CLDN10: variants seen among roughly 807,000 people sequenced by gnomAD.
The protein encoded by CLDN10 is claudin 10.
CLDN10 carries 15 observed loss-of-function variants against 22.9 expected under a neutral mutation model. That is an observed-to-expected ratio of 0.65 (90% CI 0.44 to 1.01). CLDN10 has a LOEUF of 1.01. CLDN10 is among the 50% of genes least tolerant of loss of function. CLDN10 has a pLI of 0.00. For missense variants in CLDN10, 247 were observed against 287.8 expected, an observed-to-expected ratio of 0.86 and a Z score of 1.03; for synonymous variants, 114 against 111.4, an observed-to-expected ratio of 1.02 and a Z score of -0.15.
intron 1 of CLDN10, among the ~76,000 whole-genome samples, chr13:95,466,689 T>G (rs942236690): frequency 2.6e-5 from 4 of 152,106 alleles, no homozygotes; most frequent in African/African-American, 9.7e-5. Flanking sequence ...TTGTCATTGA[T>G]GCCTTAAAAA....
At chr13:95,527,898 TG>T (rs1456109811) in intron 1 of CLDN10, among the ~76,000 whole-genome samples, 2 of 152,222 alleles carry the variant, frequency 1.3e-5, no homozygotes, top group East Asian at 3.8e-4. Context: ...AAAAGTTTTT[TG>T]CTATTCGACT....
chr13:95,453,860 A>G (rs1371264425), intron 1 of CLDN10, among the ~76,000 whole-genome samples: 2 of 152,070 alleles, frequency 1.3e-5, no homozygotes, highest in Non-Finnish European at 2.9e-5. Flanking sequence ...TACACCTGTA[A>G]TCCCAGCACT....
intron 1 of CLDN10, among the ~76,000 whole-genome samples, chr13:95,474,469 G>A (rs950374165): frequency 2.6e-5 from 4 of 151,956 alleles, no homozygotes; most frequent in South Asian, 2.1e-4. Context: ...TGGCCCAGGG[G>A]TTGGGGACCC....
At chr13:95,460,046 C>A (rs1349411332) in intron 1 of CLDN10, among the ~76,000 whole-genome samples, 1 of 152,188 alleles carries the variant, frequency 6.6e-6, no homozygotes, top group Non-Finnish European at 1.5e-5. Flanking sequence ...AGGGCAGGGG[C>A]AAAGTGCTTC....
intron 1 of CLDN10, among the ~76,000 whole-genome samples, chr13:95,536,796 CT>C (rs990354688): frequency 9.7e-4 from 20 of 20,644 alleles, no homozygotes; most frequent in African/African-American, 1.8e-3. Context: ...AACTGCATGC[CT>C]TTTTAAAAAA....
intron 3 of CLDN10, among the ~76,000 whole-genome samples, chr13:95,565,228 T>C (rs1448698464): frequency 6.6e-6 from 1 of 152,232 alleles, no homozygotes; most frequent in African/African-American, 2.4e-5. Context: ...ATTCCCACCA[T>C]TGTTTTGTTA....
At chr13:95,553,024 C>G (rs1240443931) in intron 1 of CLDN10, 51 bp downstream of exon 1, 2 of 1,598,194 alleles carry the variant, frequency 1.3e-6, no homozygotes, top group Non-Finnish European at 1.7e-6. Context: ...TGATGGCCAG[C>G]CCGCTAGGCG....
At chr13:95,490,640 T>A (rs1201212200) in intron 1 of CLDN10, among the ~76,000 whole-genome samples, 1 of 152,208 alleles carries the variant, frequency 6.6e-6, no homozygotes, top group Non-Finnish European at 1.5e-5. Context: ...GTGCTTGATA[T>A]AATTTCAATT....
intron 3 of CLDN10, among the ~76,000 whole-genome samples, chr13:95,568,863 G>A (rs1298272222): frequency 6.6e-6 from 1 of 152,136 alleles, no homozygotes; most frequent in Non-Finnish European, 1.5e-5. Context: ...GAGGCAGCAT[G>A]GCACACTGTT....
intron 1 of CLDN10, among the ~76,000 whole-genome samples, chr13:95,464,088 T>C (rs1299608564): frequency 6.7e-6 from 1 of 150,280 alleles, no homozygotes; most frequent in Non-Finnish European, 1.5e-5. Flanking sequence ...AGACCCATGA[T>C]TTTTTTTAAA....
At chr13:95,470,433 A>G (rs751805386) in intron 1 of CLDN10, among the ~76,000 whole-genome samples, 57 of 152,118 alleles carry the variant, frequency 3.7e-4, no homozygotes, top group Non-Finnish European at 7.9e-4. Flanking sequence ...CCTGTATTCT[A>G]TAATTTGTGT....
intron 1 of CLDN10, among the ~76,000 whole-genome samples, chr13:95,459,740 G>T (rs2042516949): frequency 6.6e-6 from 1 of 152,184 alleles, no homozygotes; most frequent in Non-Finnish European, 1.5e-5. Flanking sequence ...CATTGTCTTG[G>T]TGACTAACAT....
intron 1 of CLDN10, among the ~76,000 whole-genome samples, chr13:95,495,391 C>A (rs2042917939): frequency 6.6e-6 from 1 of 151,380 alleles, no homozygotes; most frequent in Non-Finnish European, 1.5e-5. Flanking sequence ...TAAACAAGAT[C>A]TTGTTCCCTT....
chr13:95,471,453 A>ATATATATATATATT (rs776857009), intron 1 of CLDN10, among the ~76,000 whole-genome samples: 19 of 106,384 alleles, frequency 1.8e-4, no homozygotes, highest in South Asian at 6.5e-4. Context: ...ATATATATAT[A>ATATATATATATATT]TTTTTTTTTT....
chr13:95,578,507 T>TTAAG lies in CLDN10; in HGVS notation c.*496_*499dup. The TTAAG allele has an allele frequency of 6.6e-6, 1 of 152,402 alleles. No homozygotes were observed. Among genetic ancestry groups the TTAAG allele is most frequent in the South Asian group, 2.1e-4 (1 of 4,832 alleles). 9.4% of individuals were successfully genotyped at this position (152,402 alleles called of 1,614,324 possible). On this transcript the variant is annotated 3_prime_UTR_variant, in exon 5 of 5. Coordinates refer to ENST00000299339, the MANE Select transcript of CLDN10 (RefSeq NM_006984.5). ...ACAGGCAAATTCTAGTTTGTTTTTTTTAAGTATTCTACAACATTTATTTAA... is the reference window on the plus strand; with the variant it reads ...ACAGGCAAATTCTAGTTTGTTTTTTTTAAGTAAGTATTCTACAACATTTATTTAA...
chr13:95,434,137 T>C lies in CLDN10; in HGVS notation c.214+90T>C. The C allele has an allele frequency of 2.6e-6, 3 of 1,162,946 alleles. No homozygotes were observed. The South Asian group carries it at 4.1e-5, about 16-fold the overall frequency. 72.0% of individuals were successfully genotyped at this position (1,162,946 alleles called of 1,614,324 possible). A position where few individuals can be genotyped will look rare whatever the true frequency, so the allele number is the denominator to read the frequency against. ...TAGCTGTCTATGGCTGGCTGTTAAC[T>C]CTCTGAAGACTGAGTGCTTAATCAA... On this transcript the variant is annotated intron_variant, in intron 1 of 4. Coordinates refer to the CLDN10 transcript ENST00000376873.
intron 3 of CLDN10, among the ~76,000 whole-genome samples, chr13:95,568,013 G>A (rs2043807401): frequency 6.6e-6 from 1 of 152,212 alleles, no homozygotes; most frequent in Admixed American, 6.5e-5. Context: ...AATGTAAGAA[G>A]TAAATTTCTA....
At chr13:95,456,853 C>G (rs1314474184) in intron 1 of CLDN10, among the ~76,000 whole-genome samples, 1 of 152,142 alleles carries the variant, frequency 6.6e-6, no homozygotes, top group Non-Finnish European at 1.5e-5. Context: ...AAAGACAGAT[C>G]ACAAAAAAGC....
intron 1 of CLDN10, among the ~76,000 whole-genome samples, chr13:95,487,403 TTGGGTTCATCTG>T (rs1594555532): frequency 6.6e-6 from 1 of 152,220 alleles, no homozygotes; most frequent in Non-Finnish European, 1.5e-5. Context: ...AGCTTTGCAT[TTGGGTTCATCTG>T]TGGAAGCATA....
Sources: allele counts gnomAD v4.1 joint callset (sites outside exome capture counted in the v4.1 genomes callset), GRCh38; gene constraint gnomAD v4.1.1; transcripts MANE v1.5; gene names NCBI Gene and HGNC (gene_info 2026-07-23, HGNC 2026-07-21).